Variants in RINT1 observed in about 807,000 individuals in gnomAD.
RINT1 encodes the protein RAD50 interactor 1.
A neutral mutation model predicts 97.7 loss-of-function variants in RINT1; 75 were observed. The ratio of observed to expected loss-of-function variants is 0.77; its 90% CI spans 0.64 to 0.93. The LOEUF (loss-of-function observed/expected upper bound fraction) is 0.93, where lower values mean the gene tolerates loss of function less well. RINT1 is among the 40% of genes least tolerant of loss of function. RINT1 has a pLI of 0.00. For synonymous variants in RINT1, 303 were observed against 326.3 expected, an observed-to-expected ratio of 0.93 and a Z score of 0.77; for missense variants, 892 against 925.2, an observed-to-expected ratio of 0.96 and a Z score of 0.47.
intron 4 of RINT1, among the ~76,000 whole-genome samples, chr7:105,546,021 G>A (rs889617602): frequency 8.0e-5 from 12 of 150,066 alleles, no homozygotes; most frequent in African/African-American, 1.2e-4. Context: ...GGCGGGGGGC[G>A]TTTCACCAAG....
Position 105,567,585 on chromosome 7 carries a change from T to A in RINT1, c.*274T>A. ...TGTCTGTTGAAGACGAGCAGAGATATTAAATTATAACCAACTTTCAATTTC... is the reference window on the plus strand; with the variant it reads ...TGTCTGTTGAAGACGAGCAGAGATAATAAATTATAACCAACTTTCAATTTC... On this transcript the variant is annotated 3_prime_UTR_variant, in exon 15 of 15. Coordinates refer to ENST00000257700, the MANE Select transcript of RINT1 (RefSeq NM_021930.6). The A allele has an allele frequency of 1.7e-6, 1 of 598,656 alleles. No individual in the cohort carries two copies. The highest frequency in any genetic ancestry group is 2.1e-5 in the South Asian group (1 of 48,390). 37.1% of individuals were successfully genotyped at this position (598,656 alleles called of 1,614,324 possible).
chr7:105,548,568 C>A lies in RINT1; in HGVS notation c.854C>A (p.Thr285Asn), dbSNP rs1441995300. The A allele has an allele frequency of 6.2e-7, 1 of 1,614,084 alleles. No homozygotes were observed. The highest frequency in any genetic ancestry group is 2.2e-5 in the East Asian group (1 of 44,870). The change falls in exon 7 of 15, where the codon ACT (threonine) becomes AAT (asparagine). Residue 285 changes from threonine (T) to asparagine (N), a missense_variant. Transcript: ENST00000257700. Reference protein sequence around the residue: ...LKLQTSDELLTEPKQLPEKYS... With the variant: ...LKLQTSDELLNEPKQLPEKYS... ...GATTATGTCAGAGATGAATTACTTA[C>A]TGAGCCAAAGCAACTCCCAGAAAAA... is the stretch of plus-strand genomic sequence containing the variant.
intron 11 of RINT1, among the ~76,000 whole-genome samples, chr7:105,555,873 C>T (rs766184133): frequency 6.6e-6 from 1 of 151,914 alleles, no homozygotes. Flanking sequence ...GCCTGTAGTC[C>T]GAGCTACTTG....
chr7:105,548,757 T>A (rs1790795562), intron 7 of RINT1, 47 bp downstream of exon 7: 1 of 1,532,106 alleles, frequency 6.5e-7, no homozygotes, highest in South Asian at 1.2e-5. Flanking sequence ...GTAACAAATG[T>A]TAGAGTTTCT....
intron 3 of RINT1, among the ~76,000 whole-genome samples, chr7:105,538,716 C>T (rs1308662529): frequency 6.6e-6 from 1 of 152,190 alleles, no homozygotes; most frequent in Non-Finnish European, 1.5e-5. Flanking sequence ...AAAATAGAAG[C>T]CTAGCATGAA....
rs1159994923 is a variant in RINT1, at chr7:105,532,332, A to G, written c.17A>G (p.Glu6Gly). 18 of 1,597,282 alleles carry G rather than the reference A, an allele frequency of 1.1e-5. No homozygotes were observed. The highest frequency in any genetic ancestry group is 1.5e-5 in the Non-Finnish European group (18 of 1,173,994). ...GGAGGCGAGATGCTACCAGCCGGCG[A>G]GATCGGCGCCTCTCCTGCAGCCCCG... The part of the protein sequence containing the change: MLPAG[E>G]IGASPAAPCC... The change falls in exon 1 of 15, where the codon GAG (glutamate) becomes GGG (glycine). Residue 6 changes from glutamate (E) to glycine (G), a missense_variant. Transcript: ENST00000257700.
intron 6 of RINT1, 71 bp from the exon 7 acceptor site, chr7:105,548,483 G>C (rs1790774495): frequency 3.6e-6 from 5 of 1,399,416 alleles, no homozygotes; most frequent in Non-Finnish European, 1.0e-6. Flanking sequence ...TTTATTGTGT[G>C]TGTATACATA....
At chr7:105,546,779 G>GGC (rs778036776) in intron 4 of RINT1, 131 bp from the exon 5 acceptor site, 6 of 628,460 alleles carry the variant, frequency 9.5e-6, no homozygotes, top group South Asian at 2.1e-5. Flanking sequence ...TGGAGGCTGA[G>GGC]GCGGGAGAAT....
chr7:105,543,090 C>T (rs1490730328), intron 4 of RINT1, among the ~76,000 whole-genome samples: 2 of 151,902 alleles, frequency 1.3e-5, no homozygotes, highest in Non-Finnish European at 2.9e-5. Flanking sequence ...CGGGGTTTCA[C>T]CATGTTAGCC....
At chr7:105,560,727 G>GTTT (rs941643216) in intron 11 of RINT1, among the ~76,000 whole-genome samples, 1 of 147,870 alleles carries the variant, frequency 6.8e-6, no homozygotes, top group African/African-American at 2.5e-5. Flanking sequence ...TTTTATTTTG[G>GTTT]TTTTTTTTTT....
intron 2 of RINT1, 96 bp from the exon 3 acceptor site, chr7:105,536,469 C>T (rs746410558): frequency 1.5e-5 from 14 of 916,308 alleles, no homozygotes; most frequent in Non-Finnish European, 2.2e-5. Context: ...AAATTATTAA[C>T]TTTTGAAGGC....
chr7:105,555,302 A>T, intron 11 of RINT1, 75 bp downstream of exon 11: 1 of 1,228,488 alleles, frequency 8.1e-7, no homozygotes, highest in Non-Finnish European at 1.1e-6. Context: ...CAAAATGTTG[A>T]ATCTATTGCA....
chr7:105,551,705 C>T lies in RINT1; in HGVS notation c.1469C>T (p.Thr490Ile). The stretch of plus-strand genomic sequence containing the variant: ...TTTATGACTCTACTCTTGGTTATAA[C>T]TGGTAAGTATGTCTTTTAAGATATG... Reference protein sequence around the residue: ...ETFMTLLLVITDRYKNLPTAS... With the variant: ...ETFMTLLLVIIDRYKNLPTAS... The change falls in exon 10 of 15, where the codon ACT (threonine) becomes ATT (isoleucine). Residue 490 changes from threonine (T) to isoleucine (I), a missense_variant and splice_region_variant. Transcript: ENST00000257700. The T allele has an allele frequency of 6.3e-7, 1 of 1,591,142 alleles. No homozygotes were observed. The highest frequency in any genetic ancestry group is 1.2e-5 in the South Asian group (1 of 86,620).
chr7:105,567,506 CAG>C lies in RINT1; in HGVS notation c.*197_*198del, dbSNP rs756739675. 4.4e-4 allele frequency: 309 copies of C among 694,658 alleles called. No individual in the cohort carries two copies. Among genetic ancestry groups the C allele is most frequent in the Middle Eastern group, 7.3e-4 (2 of 2,754 alleles). 43.0% of individuals were successfully genotyped at this position (694,658 alleles called of 1,614,324 possible). On this transcript the variant is annotated 3_prime_UTR_variant, in exon 15 of 15. Transcript: ENST00000257700. Reference sequence around the variant, plus strand: ...CCTCTTGTTCCTAAGGAAACAAAAACAGAAAACGAAACAATGAAAACTCAATT... The same window carrying C: ...CCTCTTGTTCCTAAGGAAACAAAAACAAAACGAAACAATGAAAACTCAATT...
chr7:105,546,277 A>G (rs1367525108), intron 4 of RINT1, among the ~76,000 whole-genome samples: 1 of 152,230 alleles, frequency 6.6e-6, no homozygotes, highest in Non-Finnish European at 1.5e-5. Context: ...CAGATTTATC[A>G]GAAATGAGTG....
At chr7:105,541,632 C>G (rs542253258) in intron 3 of RINT1, 1 of 151,872 alleles carries the variant, frequency 6.6e-6, no homozygotes, top group South Asian at 2.1e-4. Flanking sequence ...AAAAATTAGC[C>G]GAGCGTGATG....
chr7:105,562,586 A>G (rs892713235), intron 11 of RINT1, among the ~76,000 whole-genome samples: 1 of 152,212 alleles, frequency 6.6e-6, no homozygotes, highest in Admixed American at 6.5e-5. Flanking sequence ...ACCAAGAGAA[A>G]TGAAACATAT....
At position 105,567,330 on chromosome 7, in the gene RINT1, T is replaced by G; in HGVS notation, c.*19T>G. ...AAAATAATGTCTTTCAGAAAAAGGT[T>G]TCTTTGGTTTTTGTTTCTAAGAAAG... On this transcript the variant is annotated 3_prime_UTR_variant, in exon 15 of 15. Transcript: ENST00000257700. 6.5e-7 allele frequency: 1 copy of G among 1,545,490 alleles called. No homozygotes were observed. The highest frequency in any genetic ancestry group is 8.8e-7 in the Non-Finnish European group (1 of 1,136,546).
chr7:105,532,786 T>C, intron 1 of RINT1, 38 bp from the exon 2 acceptor site: 14 of 1,611,720 alleles, frequency 8.7e-6, no homozygotes, highest in Non-Finnish European at 1.2e-5. Flanking sequence ...TCCACGACTT[T>C]AATCTTAATG....
Sources: gnomAD v4.1 joint callset for allele counts (sites outside exome capture counted in the v4.1 genomes callset) on GRCh38, gnomAD v4.1.1 for gene constraint, MANE v1.5 for transcripts, NCBI Gene and HGNC (gene_info 2026-07-23, HGNC 2026-07-21) for gene names.